Variants in CDH17 observed in about 807,000 individuals in gnomAD.
CDH17 encodes the protein cadherin-17.
Under a neutral mutation model 86.3 loss-of-function variants are expected in CDH17, and 67 were observed. That is an observed-to-expected ratio of 0.78 (90% confidence interval 0.64 to 0.95). CDH17 has a LOEUF of 0.95. CDH17 is among the 40% of genes least tolerant of loss of function. The probability of loss-of-function intolerance (pLI) is 0.00; values close to 1 mark genes in which losing one functional copy is unlikely to be tolerated. For missense variants in CDH17, 993 were observed against 1,017.6 expected (o/e 0.98, Z 0.33); for synonymous variants, 367 against 366.4 (o/e 1.00, Z -0.02).
rs557766295 is a variant in CDH17, at chr8:94,163,980, T to C, written c.1282+1781A>G. 2.0e-5 allele frequency among the ~76,000 whole-genome samples: 3 copies of C among 152,368 alleles called. No individual in the cohort carries two copies. In the East Asian group the frequency reaches 5.8e-4, roughly 29 times the overall value. ...TTAATTATAGCCTAGTCTCTAGTTTTCTGTAGTGCACAGTTGAATGTTTAG... is the reference window on the plus strand; with the variant it reads ...TTAATTATAGCCTAGTCTCTAGTTTCCTGTAGTGCACAGTTGAATGTTTAG... On this transcript the variant is annotated intron_variant, in intron 10 of 17. Transcript: ENST00000027335.
chr8:94,189,549 C>T (rs1390778970), intron 2 of CDH17, among the ~76,000 whole-genome samples: 1 of 152,166 alleles, frequency 6.6e-6, no homozygotes. Flanking sequence ...GTTAACATCC[C>T]CATATTACAA....
At chr8:94,196,969 AC>A (rs1414823186) in intron 1 of CDH17, among the ~76,000 whole-genome samples, 1 of 152,138 alleles carries the variant, frequency 6.6e-6, no homozygotes, top group Non-Finnish European at 1.5e-5. Context: ...ACCTGGTCCA[AC>A]CAATCTCTCC....
At chr8:94,201,005 T>C (rs1813901027) in intron 1 of CDH17, among the ~76,000 whole-genome samples, 1 of 152,178 alleles carries the variant, frequency 6.6e-6, no homozygotes, top group Non-Finnish European at 1.5e-5. Flanking sequence ...AATGCCAGGC[T>C]AATTTTCACT....
intron 14 of CDH17, 64 bp from the exon 15 acceptor site, chr8:94,146,231 T>C: frequency 7.3e-7 from 1 of 1,367,640 alleles, no homozygotes; most frequent in Non-Finnish European, 9.6e-7. Context: ...TAAGAAAGAT[T>C]TCCCTTTCTT....
chr8:94,173,691 A>G (rs1813311616), intron 7 of CDH17, 106 bp downstream of exon 7: 1 of 851,212 alleles, frequency 1.2e-6, no homozygotes, highest in Non-Finnish European at 2.0e-6. Flanking sequence ...CATGCTATGA[A>G]AAAGGTATCT....
At chr8:94,208,139 CAGGG>C (rs1433473037) in intron 1 of CDH17, among the ~76,000 whole-genome samples, 1 of 152,088 alleles carries the variant, frequency 6.6e-6, no homozygotes, top group Non-Finnish European at 1.5e-5. Context: ...ATCTTAAGAC[CAGGG>C]ACTTTTATAT....
At chr8:94,193,675 G>A (rs1008918616) in intron 2 of CDH17, among the ~76,000 whole-genome samples, 19 of 152,084 alleles carry the variant, frequency 1.2e-4, no homozygotes, top group African/African-American at 4.6e-4. Flanking sequence ...AGGTCAAGTG[G>A]GGATGTTTGA....
chr8:94,169,518 C>G (rs986802046), intron 9 of CDH17, among the ~76,000 whole-genome samples: 1 of 151,960 alleles, frequency 6.6e-6, no homozygotes, highest in South Asian at 2.1e-4. Flanking sequence ...AATGGAGGGA[C>G]GAAAAGAAAA....
At chr8:94,165,483 C>T (rs1026799092) in intron 10 of CDH17, among the ~76,000 whole-genome samples, 1 of 152,130 alleles carries the variant, frequency 6.6e-6, no homozygotes, top group Admixed American at 6.5e-5. Flanking sequence ...GCAATTTTTT[C>T]TCACGGGCTC....
At chr8:94,192,373 G>A (rs1162421565) in intron 2 of CDH17, among the ~76,000 whole-genome samples, 1 of 152,204 alleles carries the variant, frequency 6.6e-6, no homozygotes, top group African/African-American at 2.4e-5. Flanking sequence ...GTGAAAGGAA[G>A]AGAATGGAAC....
In CDH17 at chr8:94,146,000, G is replaced by A. The variant is rs764816423; in HGVS notation, c.2095C>T (p.Arg699Trp). The A allele has an allele frequency of 1.1e-5, 18 of 1,613,722 alleles. No individual in the cohort carries two copies. Among genetic ancestry groups the A allele is most frequent in the South Asian group, 4.4e-5 (4 of 90,984 alleles). Residue 699 changes from arginine to tryptophan, a missense_variant, in exon 15 of 18, where the codon CGG becomes TGG. Coordinates refer to ENST00000027335, the MANE Select transcript of CDH17 (RefSeq NM_004063.4). Reference sequence around the variant, plus strand: ...AGGGAAAATGTAAAATGGGGACCCCGAAATAAGTGCTGATCATCATCAGTA... The same window carrying A: ...AGGGAAAATGTAAAATGGGGACCCCAAAATAAGTGCTGATCATCATCAGTA... ...EATDDDQHLF[R>W]GPHFTFSLGS...
upstream of CDH17, chr8:94,208,609 C>G (rs1305996643): frequency 6.6e-6 from 1 of 152,246 alleles, no homozygotes; most frequent in Non-Finnish European, 1.5e-5. Flanking sequence ...CCCAGCCTCT[C>G]CCTTCAGCTT....
intron 3 of CDH17, among the ~76,000 whole-genome samples, chr8:94,185,506 G>T (rs1445402660): frequency 2.6e-5 from 4 of 152,144 alleles, no homozygotes; most frequent in African/African-American, 9.7e-5. Context: ...CAGTTTCTAG[G>T]TCTGGATGTT....
chr8:94,145,993 G>A lies in CDH17; in HGVS notation c.2102C>T (p.Pro701Leu). The A allele has an allele frequency of 6.2e-7, 1 of 1,613,672 alleles. No individual in the cohort carries two copies. The highest frequency in any genetic ancestry group is 1.1e-5 in the South Asian group (1 of 90,998). ...TDDDQHLFRG[P>L]HFTFSLGSGS... Reference sequence around the variant, plus strand: ...ACTGCCGAGGGAAAATGTAAAATGGGGACCCCGAAATAAGTGCTGATCATC... The same window carrying A: ...ACTGCCGAGGGAAAATGTAAAATGGAGACCCCGAAATAAGTGCTGATCATC... Residue 701 changes from proline (P) to leucine (L), a missense_variant, in exon 15 of 18, where the codon CCC becomes CTC. Pro to Leu is a moderately conservative substitution (Grantham distance 98). Coordinates refer to ENST00000027335, the MANE Select transcript of CDH17 (RefSeq NM_004063.4).
chr8:94,198,670 AC>A (rs1460418939), intron 1 of CDH17, among the ~76,000 whole-genome samples: 10 of 151,756 alleles, frequency 6.6e-5, no homozygotes, highest in Non-Finnish European at 1.0e-4. Context: ...ACCCAGTCAC[AC>A]CTCCACCCAG....
At chr8:94,168,953 C>A (rs1305776488) in intron 9 of CDH17, among the ~76,000 whole-genome samples, 1 of 152,186 alleles carries the variant, frequency 6.6e-6, no homozygotes, top group Non-Finnish European at 1.5e-5. Flanking sequence ...TCTCTCAGAA[C>A]TCTCTGAATT....
chr8:94,214,040 T>C (rs545886014), intron 1 of CDH17, among the ~76,000 whole-genome samples: 19 of 152,334 alleles, frequency 1.2e-4, no homozygotes, highest in Admixed American at 6.5e-4. Context: ...GTCAAAGCTC[T>C]GGTTTTCTAT....
chr8:94,171,979 C>G (rs1297451933), intron 7 of CDH17, among the ~76,000 whole-genome samples: 1 of 21,560 alleles, frequency 4.6e-5, no homozygotes, highest in Non-Finnish European at 1.0e-4. Flanking sequence ...CCCCCTCCCC[C>G]CTCCCCCCTC....
chr8:94,167,250 C>G (rs1349525612), intron 9 of CDH17, among the ~76,000 whole-genome samples: 1 of 152,126 alleles, frequency 6.6e-6, no homozygotes, highest in Non-Finnish European at 1.5e-5. Flanking sequence ...GGTTCTGCAC[C>G]CAGCTCTGGG....
Sources: gnomAD v4.1 joint callset for allele counts (sites outside exome capture counted in the v4.1 genomes callset) on GRCh38, gnomAD v4.1.1 for gene constraint, MANE v1.5 for transcripts, NCBI Gene and HGNC (gene_info 2026-07-23, HGNC 2026-07-21) for gene names.